RBFOX1: variants seen among roughly 807,000 people sequenced by gnomAD.
The protein encoded by RBFOX1 is RNA binding protein fox-1 homolog 1.
RBFOX1 carries 8 observed loss-of-function variants against 57.7 expected under a neutral mutation model. That is an observed-to-expected ratio of 0.14 (90% CI 0.08 to 0.25). RBFOX1 has a LOEUF of 0.25. Among genes scored for constraint, RBFOX1 ranks in the 10% least tolerant of loss-of-function variants. The probability of loss-of-function intolerance (pLI) is 1.00; values close to 1 mark genes in which losing one functional copy is unlikely to be tolerated. For missense variants in RBFOX1, 611 were observed against 548.5 expected (o/e 1.11, Z -1.14); for synonymous variants, 326 against 222.4 (o/e 1.47, Z -4.15).
At chr16:6,926,167 C>A (rs761988628) in intron 3 of RBFOX1, among the ~76,000 whole-genome samples, 3 of 152,022 alleles carry the variant, frequency 2.0e-5, no homozygotes, top group Non-Finnish European at 4.4e-5. Flanking sequence ...ACTAGCTGGG[C>A]ATGGTGGTGT....
rs1390229807 is a variant in RBFOX1 at position 7,294,455 on chromosome 16, G to T, written c.28-223692G>T. On this transcript the variant is annotated intron_variant, in intron 4 of 15. Transcript: ENST00000550418. ...CTCTTTTGACATATGTCAGTTGGCT[G>T]CTCTGATAGAACATTGTCTCCATAA... is the stretch of plus-strand genomic sequence containing the variant. Among the ~76,000 whole-genome samples, 4 of 151,570 alleles carry T rather than the reference G, an allele frequency of 2.6e-5. No homozygotes were observed. The East Asian group carries it at 7.8e-4, about 29-fold the overall frequency.
At position 7,707,396 on chromosome 16, in the gene RBFOX1, G is replaced by A. The variant is rs9937357; in HGVS notation, c.996-1660G>A. Among the ~76,000 whole-genome samples, 610 of 152,148 alleles carry A rather than the reference G, an allele frequency of 4.0e-3. 2 individuals are homozygous for A. The highest frequency in any genetic ancestry group is 0.014 in the African/African-American group (568 of 41,526). ...GAGAAAGCTTGGAAGGAAAATGGGGGGAAAACAGGAAAGGAGAGGGAAAAG... is the reference window on the plus strand; with the variant it reads ...GAGAAAGCTTGGAAGGAAAATGGGGAGAAAACAGGAAAGGAGAGGGAAAAG... On this transcript the variant is annotated intron_variant, in intron 14 of 15. Transcript: ENST00000550418.
rs866748341 is a variant in RBFOX1 at position 6,931,338 on chromosome 16, T to A, written c.-15-120719T>A. 4.1e-3 allele frequency among the ~76,000 whole-genome samples: 537 copies of A among 131,202 alleles called. 3 individuals are homozygous for A. Among genetic ancestry groups the A allele is most frequent in the African/African-American group, 0.017 (488 of 28,772 alleles). The allele number at this position is 131,202 out of a possible 152,430, so 86.1% of individuals were successfully genotyped here. On this transcript the variant is annotated intron_variant, in intron 3 of 15. Transcript: ENST00000550418. ...CTATCTATCTATCTATCTATCTATC[T>A]CTACACACACACACACACACACACA...
At chr16:5,670,821 A>G (rs902795471) in intron 3 of RBFOX1, among the ~76,000 whole-genome samples, 1 of 152,188 alleles carries the variant, frequency 6.6e-6, no homozygotes. Context: ...ATAAGTACTG[A>G]CTGTCTCCTA....
chr16:6,914,296 G>A (rs992678981), intron 3 of RBFOX1, among the ~76,000 whole-genome samples: 6 of 152,108 alleles, frequency 3.9e-5, no homozygotes, highest in Non-Finnish European at 8.8e-5. Context: ...TATAATTTCC[G>A]GGCTAGGAGG....
intron 11 of RBFOX1, 123 bp from the exon 12 acceptor site, chr16:7,653,692 A>T: frequency 7.2e-7 from 1 of 1,389,548 alleles, no homozygotes; most frequent in Admixed American, 2.2e-5. Flanking sequence ...TGATTCCGGG[A>T]AGCGGGCGGG....
chr16:7,508,550 A>G (rs1431691478), intron 4 of RBFOX1, among the ~76,000 whole-genome samples: 1 of 152,114 alleles, frequency 6.6e-6, no homozygotes, highest in Admixed American at 6.5e-5. Flanking sequence ...AAGAAACTGA[A>G]AGGGCTGCTT....
chr16:6,668,931 T>A (rs1240168006), intron 3 of RBFOX1, among the ~76,000 whole-genome samples: 1 of 152,206 alleles, frequency 6.6e-6, no homozygotes, highest in African/African-American at 2.4e-5. Flanking sequence ...TGTCATCTCT[T>A]CTAAAAAGAT....
chr16:6,659,829 G>A (rs34490806), intron 3 of RBFOX1, among the ~76,000 whole-genome samples: 29,375 of 152,046 alleles, frequency 0.19, 2,859 homozygotes, highest in Non-Finnish European at 0.21. Flanking sequence ...GTGAGGGACA[G>A]TAGCACTGGA....
At chr16:7,165,918 C>A (rs192891465) in intron 4 of RBFOX1, among the ~76,000 whole-genome samples, 15 of 138,556 alleles carry the variant, frequency 1.1e-4, no homozygotes, top group Admixed American at 6.9e-4. Flanking sequence ...CCCCCTGCAC[C>A]CCACCGCATG....
rs537429318 is a variant in RBFOX1, at chr16:7,046,326, T to TA, written c.-15-5728dup. On this transcript the variant is annotated intron_variant, in intron 3 of 15. Coordinates refer to ENST00000550418, the MANE Select transcript of RBFOX1 (RefSeq NM_018723.4). ...GATGTTTCACTTTTTTCGGTTTTCT[T>TA]AAAGGTTGTGTTATAGGGATTATCA... 8.2e-4 allele frequency among the ~76,000 whole-genome samples: 125 copies of TA among 152,142 alleles called. No homozygotes were observed. In the East Asian group the frequency reaches 0.017, roughly 21 times the overall value.
chr16:5,918,973 A>G lies in RBFOX1; in HGVS notation c.351+51638A>G, dbSNP rs577340843. ...GTTCCACATGGGGTGAACAGTGGAC[A>G]CAAGGAGGCGCAGTGGAGCCTGGGG... On this transcript the variant is annotated intron_variant, in intron 4 of 19. Coordinates refer to the RBFOX1 transcript ENST00000641259. Among the ~76,000 whole-genome samples, 4 of 152,324 alleles carry G rather than the reference A, an allele frequency of 2.6e-5. No individual in the cohort carries two copies. The East Asian group carries it at 7.7e-4, about 29-fold the overall frequency.
intron 9 of RBFOX1, among the ~76,000 whole-genome samples, chr16:7,604,480 T>C (rs1340745987): frequency 3.3e-5 from 5 of 152,204 alleles, no homozygotes; most frequent in East Asian, 3.8e-4. Context: ...GATCTCCTGA[T>C]GAAGGAGAGT....
At chr16:7,493,268 C>T (rs559061548) in intron 4 of RBFOX1, among the ~76,000 whole-genome samples, 15 of 152,304 alleles carry the variant, frequency 9.8e-5, no homozygotes, top group Non-Finnish European at 2.2e-4. Context: ...CTTTCAGGCG[C>T]TCAACAGCCA....
In RBFOX1 at chr16:6,354,228, G is replaced by GACACAC. The variant is rs373217744; in HGVS notation, c.-64+37185_-64+37190dup. Among the ~76,000 whole-genome samples the GACACAC allele has an allele frequency of 3.7e-4, 56 of 149,854 alleles. No homozygotes were observed. The East Asian group carries it at 6.3e-3, about 17-fold the overall frequency. ...GAGCGAGACACTGGGTCAACACACA[G>GACACAC]ACACACACACACACACACATAGATA... On this transcript the variant is annotated intron_variant, in intron 2 of 15. Transcript: ENST00000550418.
intron 3 of RBFOX1, among the ~76,000 whole-genome samples, chr16:6,886,396 A>G (rs1031719294): frequency 1.3e-5 from 2 of 151,980 alleles, no homozygotes; most frequent in Non-Finnish European, 1.5e-5. Flanking sequence ...CACCATTGAG[A>G]AGAAAGGTTA....
intron 2 of RBFOX1, among the ~76,000 whole-genome samples, chr16:6,554,348 A>G (rs1021335824): frequency 9.9e-5 from 15 of 152,278 alleles, no homozygotes; most frequent in Non-Finnish European, 1.9e-4. Flanking sequence ...AGGCAAGTCT[A>G]TAGAGATGCG....
chr16:6,874,423 C>A (rs1430866723), intron 3 of RBFOX1, among the ~76,000 whole-genome samples: 1 of 143,542 alleles, frequency 7.0e-6, no homozygotes, highest in Non-Finnish European at 1.5e-5. Context: ...GGCAGGAGAA[C>A]TGCTTGAATC....
At chr16:5,938,637 C>T (rs573171264) in intron 4 of RBFOX1, among the ~76,000 whole-genome samples, 2 of 152,252 alleles carry the variant, frequency 1.3e-5, no homozygotes, top group East Asian at 3.9e-4. Context: ...ATGCAACAGA[C>T]CTGACTTTGC....
Sources: allele counts gnomAD v4.1 joint callset (sites outside exome capture counted in the v4.1 genomes callset), GRCh38; gene constraint gnomAD v4.1.1; transcripts MANE v1.5; gene names NCBI Gene and HGNC (gene_info 2026-07-23, HGNC 2026-07-21).